The following FAM200A variants were observed in gnomAD, a reference collection of about 807,000 sequenced individuals.
FAM200A encodes the protein protein FAM200A.
FAM200A carries 26 observed loss-of-function variants against 44.2 expected under a neutral mutation model. The ratio of observed to expected loss-of-function variants is 0.59; its 90% CI spans 0.43 to 0.82. FAM200A has a LOEUF of 0.82. FAM200A is among the 40% of genes least tolerant of loss of function. The pLI, the probability that FAM200A is intolerant of heterozygous loss-of-function variation, is 0.00. For synonymous variants in FAM200A, 206 were observed against 244.4 expected, an observed-to-expected ratio of 0.84 and a Z score of 1.47; for missense variants, 606 against 669.5, an observed-to-expected ratio of 0.91 and a Z score of 1.05.
chr7:99,548,267 T>G lies in FAM200A; in HGVS notation c.141A>C (p.Pro47=), dbSNP rs954596192. The G allele has an allele frequency of 2.5e-6, 4 of 1,613,824 alleles. No individual in the cohort carries two copies. The Admixed American group carries it at 6.7e-5, about 27-fold the overall frequency. ...QKERNKVESS[P]QVLSRSTTMN... The stretch of plus-strand genomic sequence containing the variant: ...TAGTTGTAGAGCGACTGAGAACTTG[T>G]GGCGATGACTCTACTTTGTTTCTTT... Residue 47 remains proline, a synonymous_variant, in exon 2 of 2, where the codon CCA becomes CCC. Transcript: ENST00000449309.
intron 1 of FAM200A, among the ~76,000 whole-genome samples, chr7:99,551,611 G>A (rs1459023538): frequency 1.3e-5 from 2 of 152,200 alleles, no homozygotes; most frequent in African/African-American, 2.4e-5. Flanking sequence ...AATGGCACTT[G>A]GTATCGTGTA....
chr7:99,555,632 G>C (rs747023063), upstream of FAM200A, among the ~76,000 whole-genome samples: 27 of 152,214 alleles, frequency 1.8e-4, no homozygotes, highest in Non-Finnish European at 3.4e-4. Context: ...AAGCTGGCCA[G>C]GCATGGTGGC....
intron 1 of FAM200A, among the ~76,000 whole-genome samples, chr7:99,551,482 G>A (rs1802530510): frequency 6.6e-6 from 1 of 152,160 alleles, no homozygotes; most frequent in Non-Finnish European, 1.5e-5. Context: ...ATGGGCGTGA[G>A]CCACTGCGCC....
intron 1 of FAM200A, among the ~76,000 whole-genome samples, chr7:99,549,841 C>A (rs567810928): frequency 6.6e-6 from 1 of 152,036 alleles, no homozygotes; most frequent in South Asian, 2.1e-4. Context: ...CAGGTGGGAA[C>A]TGAACAATGA....
intron 1 of FAM200A, among the ~76,000 whole-genome samples, chr7:99,551,018 T>C (rs974348008): frequency 6.6e-6 from 1 of 151,516 alleles, no homozygotes; most frequent in Non-Finnish European, 1.5e-5. Flanking sequence ...GAGGTTGCAG[T>C]GAGCCGAGAT....
chr7:99,552,204 T>C (rs1019873134), upstream of FAM200A: 64 of 981,074 alleles, frequency 6.5e-5, no homozygotes, highest in Non-Finnish European at 7.4e-5. Context: ...TGCATCCCTG[T>C]GTAGGGCTCT....
At chr7:99,553,046 CACACATATATATATAT>C (rs1562927012), upstream of FAM200A, among the ~76,000 whole-genome samples, 7 of 128,440 alleles carry the variant, frequency 5.5e-5, no homozygotes, top group South Asian at 5.0e-4. Flanking sequence ...TATATATACA[CACACATATATATATAT>C]ACACACACAT....
upstream of FAM200A, among the ~76,000 whole-genome samples, chr7:99,555,695 G>A (rs1413334942): frequency 6.6e-6 from 1 of 152,020 alleles, no homozygotes; most frequent in Non-Finnish European, 1.5e-5. Flanking sequence ...GATTGCTTGA[G>A]GTCAGGAGTT....
chr7:99,547,236 CT>C lies in FAM200A; in HGVS notation c.1171del (p.Ser391ValfsTer26). ...TLLLWQARLK[S>X]NRPSYYMFPT... is the part of the protein sequence containing the mutation. ...AAACATATAGTAGCTAGGGCGGTTA[CT>C]TTTAAGTCTTGCTTGCCACAATAAT... On this transcript the variant is annotated frameshift_variant, in exon 2 of 2. Transcript: ENST00000449309. LOFTEE classifies it high-confidence loss of function. 1 of 1,551,340 alleles carries C rather than the reference CT, an allele frequency of 6.4e-7. No homozygotes were observed. Among genetic ancestry groups the C allele is most frequent in the Non-Finnish European group, 8.7e-7 (1 of 1,146,898 alleles).
rs1469546128 is a variant in FAM200A, at chr7:99,547,577, A to C, written c.831T>G (p.Asn277Lys). 3 of 1,551,500 alleles carry C rather than the reference A, an allele frequency of 1.9e-6. No individual in the cohort carries two copies. The highest frequency in any genetic ancestry group is 2.0e-5 in the Admixed American group (1 of 51,000). Residue 277 changes from asparagine (N) to lysine (K), a missense_variant, in exon 2 of 2, where the codon AAT becomes AAG. Transcript: ENST00000449309. Reference sequence around the variant, plus strand: ...AACAAAATATTTCGAGAAGTCGGCTATTCAGTGAGCTTCCTTTAATAAAAT... The same window carrying C: ...AACAAAATATTTCGAGAAGTCGGCTCTTCAGTGAGCTTCCTTTAATAAAAT... ...TVNFIKGSSLNSRLLEIFCSE... is the reference protein window; with the variant it reads ...TVNFIKGSSLKSRLLEIFCSE...
chr7:99,546,951 A>C lies in FAM200A; in HGVS notation c.1457T>G (p.Leu486Arg). ...ELLQLSSSFT[L>R]KNYYKILSLS... ...ACTTAATATCTTATAATAATTCTTT[A>C]GTGTGAATGATGAACTGAGCTGCAA... is the stretch of plus-strand genomic sequence containing the variant. The change falls in exon 2 of 2, where the codon CTA (leucine) becomes CGA (arginine). Residue 486 changes from leucine (L) to arginine (R), a missense_variant. Coordinates refer to ENST00000449309, the MANE Select transcript of FAM200A (RefSeq NM_145111.4). 6.5e-7 allele frequency: 1 copy of C among 1,549,728 alleles called. No individual in the cohort carries two copies. Among genetic ancestry groups the C allele is most frequent in the Non-Finnish European group, 8.7e-7 (1 of 1,146,564 alleles).
At position 99,548,096 on chromosome 7, in the gene FAM200A, T is replaced by G. The variant is rs1202025501; in HGVS notation, c.312A>C (p.Lys104Asn). 3.9e-6 allele frequency: 6 copies of G among 1,551,580 alleles called. No homozygotes were observed. The East Asian group carries it at 1.5e-4, about 38-fold the overall frequency. ...RTIFDDKSADKLRTIPLSDNT... is the reference protein window; with the variant it reads ...RTIFDDKSADNLRTIPLSDNT... ...TATCACTAAGAGGTATAGTTCTTAG[T>G]TTATCAGCTGATTTGTCATCAAAAA... is the stretch of plus-strand genomic sequence containing the variant. The change falls in exon 2 of 2, where the codon AAA becomes AAC. Residue 104 changes from lysine (K) to asparagine (N), a missense_variant. By Grantham distance (94) the Lys-to-Asn change is moderately conservative. Transcript: ENST00000449309.
rs1802401344 is a variant in FAM200A, at chr7:99,546,939, T to C, written c.1469A>G (p.Tyr490Cys). Residue 490 changes from tyrosine to cysteine, a missense_variant, in exon 2 of 2, where the codon TAT (tyrosine) becomes TGT (cysteine). Tyr to Cys is a radical substitution (Grantham distance 194, BLOSUM62 -2). Transcript: ENST00000449309. The stretch of plus-strand genomic sequence containing the variant: ...AAATGCTGATAAACTTAATATCTTA[T>C]AATAATTCTTTAGTGTGAATGATGA... ...LSSSFTLKNY[Y>C]KILSLSAFWI... 6.5e-7 allele frequency: 1 copy of C among 1,549,346 alleles called. No homozygotes were observed. Among genetic ancestry groups the C allele is most frequent in the Non-Finnish European group, 8.7e-7 (1 of 1,146,502 alleles).
In FAM200A at chr7:99,547,203, A is replaced by ACGAT; in HGVS notation, c.1204_1205insATCG (p.Leu402TyrfsTer12). 6.5e-7 allele frequency: 1 copy of ACGAT among 1,549,526 alleles called. No individual in the cohort carries two copies. Among genetic ancestry groups the ACGAT allele is most frequent in the Non-Finnish European group, 8.7e-7 (1 of 1,146,484 alleles). On this transcript the variant is annotated frameshift_variant, in exon 2 of 2. Transcript: ENST00000449309. LOFTEE classifies it high-confidence loss of function. Reference sequence around the variant, plus strand: ...AATGTTCTCTTCGATGTGTTGCAATAATGTTGGAAACATATAGTAGCTAGG... The same window carrying ACGAT: ...AATGTTCTCTTCGATGTGTTGCAATACGATATGTTGGAAACATATAGTAGCTAGG...
At chr7:99,554,047 T>C (rs1170236709), upstream of FAM200A, among the ~76,000 whole-genome samples, 2 of 152,160 alleles carry the variant, frequency 1.3e-5, no homozygotes, top group Non-Finnish European at 2.9e-5. Context: ...TAAGAACAAA[T>C]TGATGCCCAT....
At chr7:99,550,917 A>C (rs1802513668) in intron 1 of FAM200A, among the ~76,000 whole-genome samples, 1 of 152,032 alleles carries the variant, frequency 6.6e-6, no homozygotes, top group African/African-American at 2.4e-5. Flanking sequence ...TCTCTACTAA[A>C]AGTACAAAAA....
At chr7:99,553,027 ACATG>A (rs1462870779), upstream of FAM200A, among the ~76,000 whole-genome samples, 1 of 131,206 alleles carries the variant, frequency 7.6e-6, no homozygotes, top group African/African-American at 3.4e-5. Context: ...ACATATATAT[ACATG>A]TATATATATA....
In FAM200A at chr7:99,546,832, AC is replaced by A; in HGVS notation, c.1575del (p.Leu525PhefsTer4). 1 of 1,551,668 alleles carries A rather than the reference AC, an allele frequency of 6.4e-7. No homozygotes were observed. Among genetic ancestry groups the A allele is most frequent in the Non-Finnish European group, 8.7e-7 (1 of 1,146,996 alleles). ...LLLLPFTTTY[L>X]CELGFSILTR... ...GTCAAGATTGAAAATCCTAGTTCAC[AC>A]AAATATGTAGTTGTGAATGGTAGTA... On this transcript the variant is annotated frameshift_variant, in exon 2 of 2. Coordinates refer to ENST00000449309, the MANE Select transcript of FAM200A (RefSeq NM_145111.4). LOFTEE classifies it high-confidence loss of function.
upstream of FAM200A, among the ~76,000 whole-genome samples, chr7:99,554,296 T>C (rs1421144597): frequency 6.6e-6 from 1 of 151,668 alleles, no homozygotes; most frequent in Non-Finnish European, 1.5e-5. Flanking sequence ...CTGAGCAACA[T>C]GGTGAAACAC....
Sources: allele counts gnomAD v4.1 joint callset (sites outside exome capture counted in the v4.1 genomes callset), GRCh38; gene constraint gnomAD v4.1.1; transcripts MANE v1.5; gene names NCBI Gene and HGNC (gene_info 2026-07-23, HGNC 2026-07-21).